AGBL3: variants seen among roughly 807,000 people sequenced by gnomAD.
AGBL3 encodes cytosolic carboxypeptidase 3.
AGBL3 carries 68 observed loss-of-function variants against 94.5 expected under a neutral mutation model. That is an observed-to-expected ratio of 0.72 (90% CI 0.59 to 0.88). AGBL3 has a LOEUF of 0.88. AGBL3 is among the 40% of genes least tolerant of loss of function. The probability of loss-of-function intolerance (pLI) is 0.00; values close to 1 mark genes in which losing one functional copy is unlikely to be tolerated. For missense variants in AGBL3, 934 were observed against 1,103.8 expected (o/e 0.85, Z 2.18); for synonymous variants, 354 against 370.7 (o/e 0.95, Z 0.52).
intron 4 of AGBL3, among the ~76,000 whole-genome samples, chr7:135,003,732 T>G (rs943974047): frequency 1.3e-5 from 2 of 151,576 alleles, no homozygotes; most frequent in African/African-American, 4.8e-5. Flanking sequence ...ATATTTTTGT[T>G]GTGAGAATAG....
intron 16 of AGBL3, among the ~76,000 whole-genome samples, chr7:135,127,238 T>C (rs1220385194): frequency 6.6e-6 from 1 of 152,196 alleles, no homozygotes; most frequent in Non-Finnish European, 1.5e-5. Context: ...AAAGAAGACA[T>C]TCATGCAGCC....
chr7:135,059,025 C>T (rs1818589224), intron 11 of AGBL3, 144 bp from the exon 12 acceptor site: 3 of 616,684 alleles, frequency 4.9e-6, no homozygotes, highest in Non-Finnish European at 8.3e-6. Flanking sequence ...CCAAAGTACT[C>T]GGATTACAGG....
chr7:135,008,893 C>A (rs1812746710), intron 4 of AGBL3, among the ~76,000 whole-genome samples: 1 of 152,124 alleles, frequency 6.6e-6, no homozygotes. Context: ...TGTTCAACAT[C>A]TTTAGTCATA....
At chr7:135,115,632 C>A in intron 16 of AGBL3, 21 bp downstream of exon 16, 1 of 1,494,998 alleles carries the variant, frequency 6.7e-7, no homozygotes, top group South Asian at 1.2e-5. Flanking sequence ...ACAATTTTAT[C>A]ACTCTTATCT....
intron 5 of AGBL3, among the ~76,000 whole-genome samples, chr7:135,021,443 C>G (rs1249321958): frequency 6.6e-6 from 1 of 151,874 alleles, no homozygotes; most frequent in African/African-American, 2.4e-5. Flanking sequence ...AGGCGCCCAC[C>G]ACCACGCCTG....
intron 3 of AGBL3, among the ~76,000 whole-genome samples, chr7:134,990,537 A>G (rs2732901): frequency 0.068 from 10,421 of 152,274 alleles, 1,153 homozygotes; most frequent in African/African-American, 0.23. Flanking sequence ...GGGCTGTAAC[A>G]AATAAAGCTC....
At chr7:135,033,556 ATAT>A (rs1261396172) in intron 6 of AGBL3, among the ~76,000 whole-genome samples, 1 of 152,200 alleles carries the variant, frequency 6.6e-6, no homozygotes, top group Non-Finnish European at 1.5e-5. Flanking sequence ...TAACCAGATA[ATAT>A]TGTTATGTAT....
chr7:134,992,466 T>C (rs1307870796), intron 3 of AGBL3, among the ~76,000 whole-genome samples: 2 of 152,232 alleles, frequency 1.3e-5, no homozygotes, highest in African/African-American at 2.4e-5. Context: ...TATCTTGTTT[T>C]CCTATTTATA....
In AGBL3 at chr7:135,045,800, A is replaced by G. The variant is rs1817301883; in HGVS notation, c.1730A>G (p.Tyr577Cys). The G allele has an allele frequency of 6.5e-7, 1 of 1,544,868 alleles. No individual in the cohort carries two copies. The highest frequency in any genetic ancestry group is 8.8e-7 in the Non-Finnish European group (1 of 1,142,598). ...AGCTCATTTATTACTTTTGCCTAGTATTATCGGTGCCTGAAAGAATTAGAA... is the reference window on the plus strand; with the variant it reads ...AGCTCATTTATTACTTTTGCCTAGTGTTATCGGTGCCTGAAAGAATTAGAA... ...LDYCDPDRTK[Y>C]YRCLKELEEM... Residue 577 changes from tyrosine to cysteine, a missense_variant and splice_region_variant, in exon 11 of 17, where the codon TAT (tyrosine) becomes TGT (cysteine). By Grantham distance (194) the Tyr-to-Cys change is radical (BLOSUM62 -2). This residue lies in a region of AGBL3 where 441 missense variants were observed against 518.2 expected (regional missense o/e 0.85). Coordinates refer to ENST00000436302, the MANE Select transcript of AGBL3 (RefSeq NM_178563.4).
chr7:135,079,428 A>G (rs777036256), intron 13 of AGBL3, among the ~76,000 whole-genome samples: 4 of 151,536 alleles, frequency 2.6e-5, no homozygotes, highest in Non-Finnish European at 5.9e-5. Context: ...TGAGCTTTTA[A>G]CTCCATTTCA....
At chr7:135,043,028 A>G (rs947590842) in intron 8 of AGBL3, among the ~76,000 whole-genome samples, 4 of 152,242 alleles carry the variant, frequency 2.6e-5, no homozygotes, top group Non-Finnish European at 5.9e-5. Flanking sequence ...CTTTCAGGGC[A>G]TAATTTCAAA....
intron 15 of AGBL3, among the ~76,000 whole-genome samples, chr7:135,109,714 G>A (rs1453435123): frequency 6.6e-6 from 1 of 152,226 alleles, no homozygotes; most frequent in Non-Finnish European, 1.5e-5. Context: ...CCAGTGAAGA[G>A]AAATGGGATC....
intron 12 of AGBL3, among the ~76,000 whole-genome samples, chr7:135,065,483 A>C (rs533419581): frequency 2.9e-4 from 44 of 152,380 alleles, no homozygotes; most frequent in Non-Finnish European, 5.6e-4. Context: ...GAACAGACAC[A>C]CAGCACAATG....
chr7:135,039,097 C>T lies in AGBL3; in HGVS notation c.1500+1517C>T, dbSNP rs371225694. 2.0e-5 allele frequency among the ~76,000 whole-genome samples: 3 copies of T among 152,182 alleles called. No individual in the cohort carries two copies. In the East Asian group the frequency reaches 5.8e-4, roughly 29 times the overall value. ...GATTTGACATTTATAGGACACTCTA[C>T]TAAACAGCAGAATACACATTATATT... On this transcript the variant is annotated intron_variant, in intron 8 of 16. Coordinates refer to ENST00000436302, the MANE Select transcript of AGBL3 (RefSeq NM_178563.4).
chr7:135,130,977 T>G (rs1828674937), intron 16 of AGBL3, among the ~76,000 whole-genome samples: 1 of 152,156 alleles, frequency 6.6e-6, no homozygotes, highest in Non-Finnish European at 1.5e-5. Context: ...GAACATATTG[T>G]TTTTTTCCTA....
intron 4 of AGBL3, among the ~76,000 whole-genome samples, chr7:135,016,196 A>G (rs1284213280): frequency 6.6e-6 from 1 of 152,230 alleles, no homozygotes; most frequent in Non-Finnish European, 1.5e-5. Context: ...TAAAACATTT[A>G]AATTTTTAAT....
At chr7:135,076,489 T>C in intron 13 of AGBL3, 21 bp downstream of exon 13, 2 of 1,498,080 alleles carry the variant, frequency 1.3e-6, no homozygotes, top group South Asian at 1.2e-5. Context: ...ATTAATCTAG[T>C]TATTAAGGTT....
At chr7:135,099,910 TG>T (rs1334751976) in intron 15 of AGBL3, 1 of 113,524 alleles carries the variant, frequency 8.8e-6, no homozygotes, top group Non-Finnish European at 1.7e-5. Context: ...TTTTTTGAGA[TG>T]GAGTCTCGGT....
At chr7:135,041,420 G>A (rs1336567011) in intron 8 of AGBL3, among the ~76,000 whole-genome samples, 1 of 152,146 alleles carries the variant, frequency 6.6e-6, no homozygotes, top group African/African-American at 2.4e-5. Flanking sequence ...AACACCAAAA[G>A]CAGTGGTACA....
Sources: allele counts gnomAD v4.1 joint callset (sites outside exome capture counted in the v4.1 genomes callset), GRCh38; gene constraint gnomAD v4.1.1; regional missense constraint gnomAD v4.1.1; transcripts MANE v1.5; gene names NCBI Gene and HGNC (gene_info 2026-07-23, HGNC 2026-07-21).